The following EPHA3 variants were observed in gnomAD, a reference collection of about 807,000 sequenced individuals.
EPHA3 encodes the protein EPH receptor A3, also known as ephrin type-A receptor 3.
Under a neutral mutation model 107.1 loss-of-function variants are expected in EPHA3, and 42 were observed. The ratio of observed to expected loss-of-function variants is 0.39; its 90% CI spans 0.31 to 0.51. The LOEUF is 0.51. Ranked by LOEUF, EPHA3 falls within the 20% of genes least tolerant of loss-of-function variation. EPHA3 has a pLI of 0.78. For missense variants in EPHA3, 1,183 were observed against 1,211.2 expected, an observed-to-expected ratio of 0.98 and a Z score of 0.35; for synonymous variants, 461 against 424.8, an observed-to-expected ratio of 1.09 and a Z score of -1.05.
rs549565016 is a variant in EPHA3, at chr3:89,214,601, G to A, written c.814+4081G>A. On this transcript the variant is annotated intron_variant, in intron 3 of 16. Transcript: ENST00000336596. ...CAAAAGGATTGTGCTTTTCTAAAGAGACATTTTTTTTGTTCAATTAAACCT... is the reference window on the plus strand; with the variant it reads ...CAAAAGGATTGTGCTTTTCTAAAGAAACATTTTTTTTGTTCAATTAAACCT... Among the ~76,000 whole-genome samples the A allele has an allele frequency of 5.7e-4, 87 of 152,014 alleles. No individual in the cohort carries two copies. In the South Asian group the frequency reaches 0.017, roughly 30 times the overall value.
chr3:89,243,028 A>C (rs139025754), intron 3 of EPHA3, among the ~76,000 whole-genome samples: 1 of 150,684 alleles, frequency 6.6e-6, no homozygotes, highest in Non-Finnish European at 1.5e-5. Flanking sequence ...CTTTGTGATA[A>C]TTTGCTGAGA....
chr3:89,166,388 A>T (rs1211368311), intron 2 of EPHA3, among the ~76,000 whole-genome samples: 1 of 152,202 alleles, frequency 6.6e-6, no homozygotes, highest in Non-Finnish European at 1.5e-5. Context: ...TTTTTGCTTG[A>T]AATAACTAAA....
intron 2 of EPHA3, among the ~76,000 whole-genome samples, chr3:89,140,377 A>G (rs1262341272): frequency 1.3e-5 from 2 of 151,832 alleles, no homozygotes; most frequent in Admixed American, 1.3e-4. Context: ...TAGCCAGTAA[A>G]TTCTCAAGAT....
At chr3:89,373,406 A>G (rs556410085) in intron 5 of EPHA3, among the ~76,000 whole-genome samples, 1 of 152,030 alleles carries the variant, frequency 6.6e-6, no homozygotes, top group South Asian at 2.1e-4. Context: ...CTTTGCATAT[A>G]TTTCTGCATC....
At chr3:89,155,345 T>C (rs1478125199) in intron 2 of EPHA3, among the ~76,000 whole-genome samples, 11 of 152,068 alleles carry the variant, frequency 7.2e-5, no homozygotes, top group Non-Finnish European at 1.5e-5. Context: ...TTTCTAGTTA[T>C]ATTAATAAGA....
chr3:89,270,322 T>C (rs1240754952), intron 3 of EPHA3, among the ~76,000 whole-genome samples: 2 of 152,066 alleles, frequency 1.3e-5, no homozygotes, highest in African/African-American at 4.8e-5. Flanking sequence ...GGTTTACCTA[T>C]GACCTTTATA....
Position 89,268,924 on chromosome 3 carries a change from T to A in EPHA3, c.814+58404T>A, listed in dbSNP as rs1705598791. On this transcript the variant is annotated intron_variant, in intron 3 of 16. Coordinates refer to ENST00000336596, the MANE Select transcript of EPHA3 (RefSeq NM_005233.6). Reference sequence around the variant, plus strand: ...TTAAGAAAAAAAAAACAACCTCAGGTCAAAGCAAGGTTGTGTATTTTATAC... The same window carrying A: ...TTAAGAAAAAAAAAACAACCTCAGGACAAAGCAAGGTTGTGTATTTTATAC... 2.6e-5 allele frequency among the ~76,000 whole-genome samples: 4 copies of A among 151,760 alleles called. No homozygotes were observed. In the South Asian group the frequency reaches 8.3e-4, roughly 31 times the overall value.
At chr3:89,230,330 G>A (rs1486008978) in intron 3 of EPHA3, among the ~76,000 whole-genome samples, 1 of 152,038 alleles carries the variant, frequency 6.6e-6, no homozygotes, top group Non-Finnish European at 1.5e-5. Context: ...CCAAACCACA[G>A]AAAATTTCAC....
At chr3:89,466,972 TTAAAA>T (rs1262658416) in intron 15 of EPHA3, among the ~76,000 whole-genome samples, 7 of 152,098 alleles carry the variant, frequency 4.6e-5, no homozygotes, top group African/African-American at 1.2e-4. Flanking sequence ...CTAGAGATAA[TTAAAA>T]TAAACACAAT....
chr3:89,128,778 T>G (rs144578192), intron 2 of EPHA3, among the ~76,000 whole-genome samples: 3 of 151,596 alleles, frequency 2.0e-5, no homozygotes, highest in Non-Finnish European at 2.9e-5. Context: ...AAACAAGAAA[T>G]CATCTTATAT....
intron 13 of EPHA3, among the ~76,000 whole-genome samples, chr3:89,438,925 A>G (rs778001897): frequency 1.3e-5 from 2 of 152,214 alleles, no homozygotes; most frequent in Non-Finnish European, 2.9e-5. Context: ...GATGAGTAGC[A>G]TGAACATTTA....
rs147142248 is a variant in EPHA3 at position 89,457,480 on chromosome 3, C to T, written c.2690+7110C>T. 1.2e-4 allele frequency among the ~76,000 whole-genome samples: 18 copies of T among 152,238 alleles called. No individual in the cohort carries two copies. In the East Asian group the frequency reaches 2.9e-3, roughly 25 times the overall value. On this transcript the variant is annotated intron_variant, in intron 15 of 16. Coordinates refer to ENST00000336596, the MANE Select transcript of EPHA3 (RefSeq NM_005233.6). ...GCACACACGAGGAGTCTAGGTTATG[C>T]GCTCCTCATGATAATCTAATGCCTG...
At position 89,342,148 on chromosome 3, in the gene EPHA3, GACTCTGGGTGGAAA is replaced by G. The variant is rs1054603753; in HGVS notation, c.1306+62_1306+75del. On this transcript the variant is annotated intron_variant, in intron 5 of 16. Coordinates refer to ENST00000336596, the MANE Select transcript of EPHA3 (RefSeq NM_005233.6). Reference sequence around the variant, plus strand: ...CATATCACGTCTGAGTAATGGTTTTGACTCTGGGTGGAAAACTGGGCGGAAGGAAAAAAAGATTT... The same window carrying G: ...CATATCACGTCTGAGTAATGGTTTTGACTGGGCGGAAGGAAAAAAAGATTT... 10 of 1,451,600 alleles carry G rather than the reference GACTCTGGGTGGAAA, an allele frequency of 6.9e-6. No individual in the cohort carries two copies. The African/African-American group carries it at 1.4e-4, about 21-fold the overall frequency. The allele number at this position is 1,451,600 out of a possible 1,614,324, so 89.9% of individuals were successfully genotyped here.
At chr3:89,346,890 C>T (rs896722440) in intron 5 of EPHA3, among the ~76,000 whole-genome samples, 2 of 146,380 alleles carry the variant, frequency 1.4e-5, no homozygotes, top group African/African-American at 2.5e-5. Context: ...TTCCCCATTG[C>T]TTGTTTTTCT....
chr3:89,233,060 A>G lies in EPHA3; in HGVS notation c.814+22540A>G, dbSNP rs796652136. On this transcript the variant is annotated intron_variant, in intron 3 of 16. Coordinates refer to ENST00000336596, the MANE Select transcript of EPHA3 (RefSeq NM_005233.6). ...ATTTTATTTCAGTATGCAAGACCAC[A>G]GAGATCTCATGTCTAAATACTTACG... 2.2e-4 allele frequency among the ~76,000 whole-genome samples: 34 copies of G among 152,258 alleles called. 1 individual carries two copies. Among genetic ancestry groups the G allele is most frequent in the African/African-American group, 7.7e-4 (32 of 41,572 alleles).
chr3:89,411,643 T>A (rs1709155974), intron 9 of EPHA3, among the ~76,000 whole-genome samples: 1 of 151,958 alleles, frequency 6.6e-6, no homozygotes, highest in Non-Finnish European at 1.5e-5. Context: ...TAAATCGTAA[T>A]GCATTATAAC....
chr3:89,137,272 T>C (rs546096182), intron 2 of EPHA3, among the ~76,000 whole-genome samples: 6 of 152,042 alleles, frequency 3.9e-5, no homozygotes, highest in Admixed American at 3.9e-4. Context: ...CATACCCTGA[T>C]GGAAAGGAGT....
chr3:89,264,568 G>A (rs181132425), intron 3 of EPHA3, among the ~76,000 whole-genome samples: 3 of 152,068 alleles, frequency 2.0e-5, no homozygotes, highest in East Asian at 1.9e-4. Flanking sequence ...TCATATAAAC[G>A]TTCATTCTTA....
intron 2 of EPHA3, among the ~76,000 whole-genome samples, chr3:89,201,616 GC>G (rs1705970618): frequency 6.6e-6 from 1 of 152,088 alleles, no homozygotes; most frequent in South Asian, 2.1e-4. Flanking sequence ...CTGTCTCGCA[GC>G]TATTCACCAA....
Sources: gnomAD v4.1 joint callset for allele counts (sites outside exome capture counted in the v4.1 genomes callset) on GRCh38, gnomAD v4.1.1 for gene constraint, MANE v1.5 for transcripts, NCBI Gene and HGNC (gene_info 2026-07-23, HGNC 2026-07-21) for gene names.